DIP2C: variants seen among roughly 807,000 people sequenced by gnomAD.
The protein encoded by DIP2C is disco-interacting protein 2 homolog C.
DIP2C carries 33 observed loss-of-function variants against 192.4 expected under a neutral mutation model. The observed-to-expected ratio is 0.17, with a 90% CI of 0.13 to 0.23. The LOEUF (loss-of-function observed/expected upper bound fraction) is 0.23, where lower values mean the gene tolerates loss of function less well. DIP2C is among the 10% of genes least tolerant of loss of function. The pLI, the probability that DIP2C is intolerant of heterozygous loss-of-function variation, is 1.00. For synonymous variants in DIP2C, 979 were observed against 864.1 expected, an observed-to-expected ratio of 1.13 and a Z score of -2.33; for missense variants, 1,537 against 2,110.1, an observed-to-expected ratio of 0.73 and a Z score of 5.32.
chr10:300,082 G>A (rs576253844), intron 32 of DIP2C, among the ~76,000 whole-genome samples: 9 of 152,308 alleles, frequency 5.9e-5, no homozygotes, highest in Middle Eastern at 3.4e-3. Flanking sequence ...ACAATGCAGC[G>A]GCTGTGGAAA....
intron 1 of DIP2C, among the ~76,000 whole-genome samples, chr10:554,032 TTGTAAC>T (rs1435961448): frequency 2.0e-5 from 3 of 151,858 alleles, no homozygotes; most frequent in African/African-American, 4.9e-5. Context: ...AACGTACAGC[TTGTAAC>T]TGTAAGAGTG....
chr10:349,344 C>T lies in DIP2C; in HGVS notation c.3096G>A (p.Leu1032=). 1 of 1,608,398 alleles carries T rather than the reference C, an allele frequency of 6.2e-7. No homozygotes were observed. The highest frequency in any genetic ancestry group is 8.5e-7 in the Non-Finnish European group (1 of 1,178,974). Residue 1032 remains leucine (L), a synonymous_variant, in exon 25 of 37, where the codon TTG becomes TTA. Transcript: ENST00000280886. ...CTGCGCCTGTACCTGGGGGGTAGAC[C>T]AAGGCCACGTGGTCGCCGTCCTGAA... ...GHLQDGDHVA[L]VYPPGIDLIA...
At chr10:445,975 G>A (rs140143259) in intron 3 of DIP2C, among the ~76,000 whole-genome samples, 224 of 127,040 alleles carry the variant, frequency 1.8e-3, no homozygotes, top group African/African-American at 9.7e-3. Context: ...AGAGTCTCAC[G>A]GTCCACTGGG....
intron 28 of DIP2C, among the ~76,000 whole-genome samples, chr10:342,244 C>T (rs1458768700): frequency 4.6e-5 from 7 of 152,078 alleles, no homozygotes; most frequent in East Asian, 3.9e-4. Flanking sequence ...CTGCAAACTC[C>T]GCCTCCCAGG....
At chr10:614,332 G>A (rs777056896) in intron 1 of DIP2C, among the ~76,000 whole-genome samples, 1 of 152,242 alleles carries the variant, frequency 6.6e-6, no homozygotes, top group Non-Finnish European at 1.5e-5. Context: ...TGGCCAAGGA[G>A]GCCAGAGTCA....
At chr10:431,132 T>C (rs1040048478) in intron 4 of DIP2C, among the ~76,000 whole-genome samples, 10 of 152,240 alleles carry the variant, frequency 6.6e-5, no homozygotes, top group African/African-American at 2.4e-4. Flanking sequence ...AGTCTTGAAG[T>C]TGCATAGTGT....
chr10:481,191 A>C (rs566559605), intron 2 of DIP2C, among the ~76,000 whole-genome samples: 1 of 152,314 alleles, frequency 6.6e-6, no homozygotes, highest in African/African-American at 2.4e-5. Flanking sequence ...AATCAGAACA[A>C]CCAACGGCCA....
intron 9 of DIP2C, among the ~76,000 whole-genome samples, chr10:404,385 A>AT (rs1053566136): frequency 6.6e-5 from 10 of 151,768 alleles, no homozygotes; most frequent in African/African-American, 2.4e-4. Flanking sequence ...ATTTTTTTCT[A>AT]TTTTTTGTAG....
intron 1 of DIP2C, among the ~76,000 whole-genome samples, chr10:487,630 T>C (rs929254948): frequency 7.9e-6 from 1 of 126,634 alleles, no homozygotes; most frequent in Non-Finnish European, 1.6e-5. Context: ...CAGGCTGGAG[T>C]GCAGTGGCGT....
intron 32 of DIP2C, among the ~76,000 whole-genome samples, chr10:294,679 C>T (rs190768914): frequency 1.3e-5 from 2 of 151,638 alleles, no homozygotes; most frequent in Non-Finnish European, 2.9e-5. Flanking sequence ...CAATTTATGT[C>T]CATTCATAAA....
intron 1 of DIP2C, among the ~76,000 whole-genome samples, chr10:622,286 GGGA>G (rs1853904933): frequency 9.9e-6 from 1 of 100,714 alleles, no homozygotes; most frequent in Non-Finnish European, 2.1e-5. Flanking sequence ...AGGGAGGAGG[GGGA>G]GGGAGGGAGG....
At chr10:378,793 G>A (rs1564636352) in intron 17 of DIP2C, among the ~76,000 whole-genome samples, 1 of 136,376 alleles carries the variant, frequency 7.3e-6, no homozygotes, top group South Asian at 2.5e-4. Flanking sequence ...AGACACCCAT[G>A]GACATGCATA....
chr10:384,914 G>A (rs559732358), intron 14 of DIP2C, among the ~76,000 whole-genome samples: 2 of 151,984 alleles, frequency 1.3e-5, no homozygotes, highest in Non-Finnish European at 2.9e-5. Flanking sequence ...GCAGCTCTCA[G>A]GGAGCGCCGC....
At chr10:422,725 TC>T in intron 5 of DIP2C, 98 bp downstream of exon 5, 1 of 1,416,622 alleles carries the variant, frequency 7.1e-7, no homozygotes. Flanking sequence ...CTGTGCTCTT[TC>T]CACCGAGGGA....
rs79319131 is a variant in DIP2C, at chr10:392,268, G to A, written c.1261-1405C>T. 5.5e-3 allele frequency among the ~76,000 whole-genome samples: 831 copies of A among 152,300 alleles called. 3 individuals carry two copies. The highest frequency in any genetic ancestry group is 0.014 in the Middle Eastern group (4 of 294). ...CGGCTCTGCTGAGCCAGGAAGTGCC[G>A]GGCCGAGGCAGGAGAACACGCGTGA... On this transcript the variant is annotated intron_variant, in intron 10 of 36. Transcript: ENST00000280886.
At chr10:417,923 T>TCAGGGC (rs1564686079) in intron 6 of DIP2C, among the ~76,000 whole-genome samples, 3 of 25,982 alleles carry the variant, frequency 1.2e-4, no homozygotes, top group Non-Finnish European at 1.9e-4. Context: ...TGTCCACCTG[T>TCAGGGC]TCCTGTCAGG....
chr10:418,672 GA>G (rs1244838588), intron 6 of DIP2C, among the ~76,000 whole-genome samples: 1 of 152,220 alleles, frequency 6.6e-6, no homozygotes, highest in Admixed American at 6.5e-5. Context: ...CAGCCCATCT[GA>G]CAGTAATTCT....
At chr10:559,405 G>T (rs1018770793) in intron 1 of DIP2C, among the ~76,000 whole-genome samples, 2 of 151,982 alleles carry the variant, frequency 1.3e-5, no homozygotes, top group Non-Finnish European at 2.9e-5. Context: ...TCAGCCACAG[G>T]GGTCTTTTGT....
chr10:443,492 C>T (rs922016150), intron 3 of DIP2C, among the ~76,000 whole-genome samples: 5 of 152,262 alleles, frequency 3.3e-5, no homozygotes, highest in South Asian at 2.1e-4. Flanking sequence ...GACTAGGAAC[C>T]GGGTGTGCTG....
Sources: gnomAD v4.1 joint callset for allele counts (sites outside exome capture counted in the v4.1 genomes callset) on GRCh38, gnomAD v4.1.1 for gene constraint, MANE v1.5 for transcripts, NCBI Gene and HGNC (gene_info 2026-07-23, HGNC 2026-07-21) for gene names.